Variants in SLC44A5 observed in about 807,000 individuals in gnomAD.
SLC44A5 encodes solute carrier family 44 member 5.
SLC44A5 carries 57 observed loss-of-function variants against 101.8 expected under a neutral mutation model. The ratio of observed to expected loss-of-function variants is 0.56; its 90% CI spans 0.45 to 0.70. SLC44A5 has a LOEUF of 0.70. Ranked by LOEUF, SLC44A5 falls within the 30% of genes least tolerant of loss-of-function variation. The pLI, the probability that SLC44A5 is intolerant of heterozygous loss-of-function variation, is 0.00. For missense variants in SLC44A5, 737 were observed against 853.1 expected (o/e 0.86, Z 1.70); for synonymous variants, 281 against 290.9 (o/e 0.97, Z 0.35).
At chr1:75,536,446 A>C (rs1671007417) in intron 2 of SLC44A5, among the ~76,000 whole-genome samples, 1 of 151,168 alleles carries the variant, frequency 6.6e-6, no homozygotes, top group Non-Finnish European at 1.5e-5. Flanking sequence ...AAAAATACAA[A>C]AAAAATTGGC....
intron 23 of SLC44A5, among the ~76,000 whole-genome samples, chr1:75,208,926 C>T (rs1646799998): frequency 6.6e-6 from 1 of 152,148 alleles, no homozygotes; most frequent in African/African-American, 2.4e-5. Flanking sequence ...AGTTTTCTGG[C>T]AGCCAAGACA....
At chr1:75,700,542 C>A in the SLC44A5 span, among the ~76,000 whole-genome samples, 1 of 152,030 alleles carries the variant, frequency 6.6e-6, no homozygotes, top group Non-Finnish European at 1.5e-5. Flanking sequence ...TAAATGCCCA[C>A]AAGAGAAAGC....
At chr1:75,648,084 A>G in the SLC44A5 span, among the ~76,000 whole-genome samples, 7 of 152,110 alleles carry the variant, frequency 4.6e-5, no homozygotes, top group Admixed American at 2.6e-4. Flanking sequence ...TATAATCCCC[A>G]TTTGTTGGGG....
chr1:75,285,355 C>T (rs1292515061), intron 5 of SLC44A5, among the ~76,000 whole-genome samples: 6 of 151,750 alleles, frequency 4.0e-5, no homozygotes, highest in African/African-American at 1.4e-4. Context: ...CATTTTGTTT[C>T]TAATTGGATC....
chr1:75,515,565 G>C (rs754399216), intron 2 of SLC44A5, among the ~76,000 whole-genome samples: 1 of 152,166 alleles, frequency 6.6e-6, no homozygotes, highest in Admixed American at 6.5e-5. Flanking sequence ...CACTCAGCAC[G>C]ATGTTCTCCA....
At chr1:75,219,030 A>G (rs1159827778) in intron 16 of SLC44A5, among the ~76,000 whole-genome samples, 2 of 152,116 alleles carry the variant, frequency 1.3e-5, no homozygotes, top group Non-Finnish European at 2.9e-5. Flanking sequence ...GGTCTTGGGT[A>G]TATGGTAGGG....
intron 4 of SLC44A5, among the ~76,000 whole-genome samples, chr1:75,309,275 C>A (rs542576066): frequency 6.6e-6 from 1 of 152,214 alleles, no homozygotes; most frequent in Admixed American, 6.5e-5. Context: ...GAGACCTGGT[C>A]TCCATAAAAC....
At chr1:75,615,981 G>T (rs1048017422), upstream of SLC44A5, 24 of 731,888 alleles carry the variant, frequency 3.3e-5, no homozygotes, top group African/African-American at 4.4e-4. Flanking sequence ...TCAGCTCAGC[G>T]AGCTCTTTGT....
intron 1 of SLC44A5, among the ~76,000 whole-genome samples, chr1:75,567,252 T>C (rs1199220292): frequency 6.6e-6 from 1 of 151,952 alleles, no homozygotes; most frequent in Non-Finnish European, 1.5e-5. Flanking sequence ...AGAGCTACTT[T>C]CCTATGTACA....
At chr1:75,572,361 T>C (rs928330163) in intron 1 of SLC44A5, among the ~76,000 whole-genome samples, 4 of 152,120 alleles carry the variant, frequency 2.6e-5, no homozygotes, top group African/African-American at 9.7e-5. Flanking sequence ...TATGATAAAC[T>C]CTATTAGTGA....
chr1:75,259,344 T>C (rs761131913), intron 6 of SLC44A5, among the ~76,000 whole-genome samples: 1 of 152,150 alleles, frequency 6.6e-6, no homozygotes, highest in Non-Finnish European at 1.5e-5. Flanking sequence ...AATGACCTGA[T>C]GGAGCTGAAA....
chr1:75,239,981 CT>C lies in SLC44A5; in HGVS notation c.533-1346del, dbSNP rs1194142660. 5.3e-5 allele frequency among the ~76,000 whole-genome samples: 8 copies of C among 152,144 alleles called. No individual in the cohort carries two copies. In the East Asian group the frequency reaches 1.2e-3, roughly 22 times the overall value. ...TCCCATATTTCTGTGCACTCTTTCC[CT>C]TTCTACTTCTTAAATACAAGTGTTC... On this transcript the variant is annotated intron_variant, in intron 9 of 23. Transcript: ENST00000370859.
intron 5 of SLC44A5, among the ~76,000 whole-genome samples, chr1:75,295,779 C>G (rs1168399432): frequency 1.3e-5 from 2 of 152,120 alleles, no homozygotes; most frequent in South Asian, 2.1e-4. Context: ...AATGTCAGAT[C>G]TCCAGAACAA....
intron 1 of SLC44A5, among the ~76,000 whole-genome samples, chr1:75,609,979 T>G (rs1302564508): frequency 6.6e-6 from 1 of 152,036 alleles, no homozygotes; most frequent in Admixed American, 6.5e-5. Flanking sequence ...CAGTCAGATG[T>G]TGGCTGAAGC....
intron 5 of SLC44A5, among the ~76,000 whole-genome samples, chr1:75,278,373 G>A (rs543286764): frequency 6.6e-6 from 1 of 152,156 alleles, no homozygotes; most frequent in East Asian, 1.9e-4. Context: ...AGAAAGAACA[G>A]TGTCAAGGGC....
chr1:75,279,709 C>T (rs1308455546), intron 5 of SLC44A5, among the ~76,000 whole-genome samples: 2 of 151,838 alleles, frequency 1.3e-5, no homozygotes, highest in African/African-American at 4.8e-5. Context: ...CAAACAGTTT[C>T]CTTTTTTTAC....
intron 5 of SLC44A5, among the ~76,000 whole-genome samples, chr1:75,292,461 T>G (rs962244262): frequency 2.0e-5 from 3 of 152,204 alleles, no homozygotes; most frequent in African/African-American, 7.2e-5. Flanking sequence ...TACAATAATT[T>G]TATTTACTCC....
At chr1:75,503,556 C>CAATT (rs1377646428) in intron 2 of SLC44A5, among the ~76,000 whole-genome samples, 1 of 152,104 alleles carries the variant, frequency 6.6e-6, no homozygotes, top group African/African-American at 2.4e-5. Context: ...AACTATGTGT[C>CAATT]AATTAAACCT....
chr1:75,608,211 A>G (rs991880895), intron 1 of SLC44A5, among the ~76,000 whole-genome samples: 1 of 151,950 alleles, frequency 6.6e-6, no homozygotes, highest in African/African-American at 2.4e-5. Context: ...ACAAAAAAAA[A>G]CAAATAACCC....
Sources: allele counts gnomAD v4.1 joint callset (sites outside exome capture counted in the v4.1 genomes callset), GRCh38; gene constraint gnomAD v4.1.1; transcripts MANE v1.5; gene names NCBI Gene and HGNC (gene_info 2026-07-23, HGNC 2026-07-21).